TENM2: variants seen among roughly 807,000 people sequenced by gnomAD.
The protein encoded by TENM2 is teneurin transmembrane protein 2.
Under a neutral mutation model 245.2 loss-of-function variants are expected in TENM2, and 52 were observed. The ratio of observed to expected loss-of-function variants is 0.21; its 90% confidence interval spans 0.17 to 0.27. The LOEUF (loss-of-function observed/expected upper bound fraction) is 0.27. Ranked by LOEUF, TENM2 falls within the 10% of genes least tolerant of loss-of-function variation. The pLI, the probability that TENM2 is intolerant of heterozygous loss-of-function variation, is 1.00. For missense variants in TENM2, 3,046 were observed against 3,666.8 expected (o/e 0.83, Z 4.37); for synonymous variants, 1,363 against 1,438.9 (o/e 0.95, Z 1.19).
chr5:167,769,515 A>G (rs1186573930), intron 2 of TENM2, among the ~76,000 whole-genome samples: 2 of 152,164 alleles, frequency 1.3e-5, no homozygotes, highest in Non-Finnish European at 2.9e-5. Context: ...TTACTATGGC[A>G]GTTTTGTTTT....
At chr5:167,763,845 G>A (rs933207858) in intron 2 of TENM2, among the ~76,000 whole-genome samples, 1 of 152,058 alleles carries the variant, frequency 6.6e-6, no homozygotes, top group African/African-American at 2.4e-5. Flanking sequence ...AATTTACAGT[G>A]AGCATTTTTT....
At chr5:167,133,273 CG>C in the TENM2 span, among the ~76,000 whole-genome samples, 14 of 152,090 alleles carry the variant, frequency 9.2e-5, no homozygotes, top group African/African-American at 3.4e-4. Context: ...TTTTATGATC[CG>C]GGGAGCCGTG....
At chr5:167,590,710 G>A (rs1047152284) in intron 2 of TENM2, among the ~76,000 whole-genome samples, 7 of 151,870 alleles carry the variant, frequency 4.6e-5, no homozygotes, top group African/African-American at 1.7e-4. Context: ...CTTTAATTTG[G>A]TAAGGTATTT....
chr5:167,656,919 G>C (rs143814107), intron 2 of TENM2, among the ~76,000 whole-genome samples: 2 of 149,010 alleles, frequency 1.3e-5, no homozygotes, highest in Middle Eastern at 3.6e-3. Flanking sequence ...AGCAATTCAC[G>C]TATCTATCTT....
At chr5:167,661,766 A>G (rs1755221854) in intron 2 of TENM2, among the ~76,000 whole-genome samples, 1 of 152,204 alleles carries the variant, frequency 6.6e-6, no homozygotes, top group South Asian at 2.1e-4. Flanking sequence ...AGTGGTGCAA[A>G]CCATGTCACT....
chr5:168,002,015 A>G (rs901960968), intron 5 of TENM2, among the ~76,000 whole-genome samples: 1 of 152,270 alleles, frequency 6.6e-6, no homozygotes, highest in Admixed American at 6.5e-5. Context: ...GTAAGAAAAG[A>G]GTTTTACTAA....
chr5:167,535,649 G>T (rs1051284090), intron 2 of TENM2, among the ~76,000 whole-genome samples: 5 of 152,180 alleles, frequency 3.3e-5, no homozygotes, highest in Admixed American at 2.6e-4. Context: ...TCCACATTCT[G>T]CCATGTAAAG....
At chr5:168,075,383 G>A (rs1791381042) in intron 7 of TENM2, among the ~76,000 whole-genome samples, 1 of 152,086 alleles carries the variant, frequency 6.6e-6, no homozygotes, top group Non-Finnish European at 1.5e-5. Flanking sequence ...TGCTAATTGT[G>A]CTGCTAAAAC....
the TENM2 span, among the ~76,000 whole-genome samples, chr5:167,279,496 C>G: frequency 7.0e-6 from 1 of 142,474 alleles, no homozygotes; most frequent in East Asian, 2.3e-4. Flanking sequence ...CTTTCTTTCT[C>G]TTTCTTTCCT....
exon 4 of TENM2, chr5:167,952,622 G>A: frequency 6.2e-7 from 1 of 1,611,908 alleles, no homozygotes; most frequent in East Asian, 2.2e-5. Flanking sequence ...CGACTCTGAG[G>A]CCCCCTCTCC....
the TENM2 span, among the ~76,000 whole-genome samples, chr5:167,204,590 C>G: frequency 2.6e-5 from 4 of 152,174 alleles, no homozygotes; most frequent in Non-Finnish European, 5.9e-5. Flanking sequence ...ACATTTCCAG[C>G]GTCAGGCACC....
intron 2 of TENM2, among the ~76,000 whole-genome samples, chr5:167,761,850 G>GTATC (rs1457650133): frequency 1.3e-5 from 2 of 152,160 alleles, no homozygotes; most frequent in Non-Finnish European, 2.9e-5. Flanking sequence ...CAATTATCAT[G>GTATC]TATCTGCTGA....
At chr5:166,982,899 T>C in the TENM2 span, among the ~76,000 whole-genome samples, 1 of 152,092 alleles carries the variant, frequency 6.6e-6, no homozygotes, top group Admixed American at 6.5e-5. Flanking sequence ...CTGCTTTAAG[T>C]TTTGTGAAAG....
At chr5:167,401,078 T>A (rs910398263) in intron 2 of TENM2, among the ~76,000 whole-genome samples, 2 of 151,818 alleles carry the variant, frequency 1.3e-5, no homozygotes, top group African/African-American at 4.8e-5. Context: ...GGTGACAGAG[T>A]GACACTCTGT....
chr5:167,038,984 T>C, the TENM2 span, among the ~76,000 whole-genome samples: 2 of 152,134 alleles, frequency 1.3e-5, no homozygotes, highest in East Asian at 1.9e-4. Flanking sequence ...CCTTGCCAAC[T>C]GAGGAACAGA....
chr5:167,519,358 T>C (rs1770607089), intron 2 of TENM2, among the ~76,000 whole-genome samples: 1 of 152,160 alleles, frequency 6.6e-6, no homozygotes, highest in South Asian at 2.1e-4. Context: ...TTAAGGTCTT[T>C]GATTCTAAAT....
chr5:167,636,441 G>A (rs1042786402), intron 2 of TENM2, among the ~76,000 whole-genome samples: 11 of 152,090 alleles, frequency 7.2e-5, no homozygotes, highest in Admixed American at 5.9e-4. Flanking sequence ...ATTGCCTTGC[G>A]AGTTTTATTT....
the TENM2 span, among the ~76,000 whole-genome samples, chr5:167,278,934 C>G: frequency 6.6e-6 from 1 of 152,152 alleles, no homozygotes; most frequent in Non-Finnish European, 1.5e-5. Context: ...ATTTAGAGAA[C>G]TAACTCTTTA....
At position 167,854,183 on chromosome 5, in the gene TENM2, A is replaced by G. The variant is rs111639763; in HGVS notation, c.503-21803A>G. Among the ~76,000 whole-genome samples the G allele has an allele frequency of 4.3e-4, 66 of 152,220 alleles. 1 individual carries two copies. Among genetic ancestry groups the G allele is most frequent in the African/African-American group, 1.5e-3 (61 of 41,564 alleles). ...TCAGCAAAGATCTCCATCTACTCAC[A>G]TACTCACAAATAACATATTCTGTAA... On this transcript the variant is annotated intron_variant, in intron 2 of 28. Coordinates refer to ENST00000518659, the Ensembl canonical transcript of TENM2.
Sources: allele counts gnomAD v4.1 joint callset (sites outside exome capture counted in the v4.1 genomes callset), GRCh38; gene constraint gnomAD v4.1.1; transcripts MANE v1.5; gene names NCBI Gene and HGNC (gene_info 2026-07-23, HGNC 2026-07-21).